The following MAL2 variants were observed in gnomAD, a reference collection of about 807,000 sequenced individuals.
The protein encoded by MAL2 is protein MAL2.
In MAL2, 17 loss-of-function variants were observed where a neutral mutation model predicts 18.1. The observed-to-expected ratio is 0.94, with a 90% CI of 0.64 to 1.41. The LOEUF (loss-of-function observed/expected upper bound fraction) is 1.41, where lower values mean the gene tolerates loss of function less well. Ranked by LOEUF, MAL2 falls within the 40% of genes most tolerant of loss-of-function variation. The pLI is 0.00. For synonymous variants in MAL2, 102 were observed against 102.3 expected, an observed-to-expected ratio of 1.00 and a Z score of 0.02; for missense variants, 222 against 231.9, an observed-to-expected ratio of 0.96 and a Z score of 0.28.
chr8:119,221,797 G>A, intron 2 of MAL2, 40 bp downstream of exon 2: 3 of 1,597,162 alleles, frequency 1.9e-6, no homozygotes, highest in East Asian at 2.2e-5. Context: ...AGGAAGATGG[G>A]AGAAACCTGT....
intron 2 of MAL2, chr8:119,224,355 A>G (rs1032150170): frequency 1.3e-5 from 2 of 152,162 alleles, no homozygotes; most frequent in African/African-American, 4.8e-5. Context: ...TTTAAACAGA[A>G]GATTCTAAAT....
At chr8:119,213,480 A>T (rs1204069791) in intron 1 of MAL2, among the ~76,000 whole-genome samples, 1 of 151,950 alleles carries the variant, frequency 6.6e-6, no homozygotes, top group East Asian at 1.9e-4. Flanking sequence ...AACTGTAGGT[A>T]TTTTTTTTCC....
At chr8:119,209,178 C>A (rs1484478181) in intron 1 of MAL2, 1 of 153,364 alleles carries the variant, frequency 6.5e-6, no homozygotes, top group Non-Finnish European at 1.5e-5. Flanking sequence ...AGGAGCTGGG[C>A]AGGAGGCAGG....
intron 1 of MAL2, among the ~76,000 whole-genome samples, chr8:119,217,406 C>T (rs952951413): frequency 2.6e-5 from 4 of 152,118 alleles, no homozygotes; most frequent in African/African-American, 9.7e-5. Flanking sequence ...ACTGAGTCAC[C>T]GGGAGATGCT....
intron 2 of MAL2, chr8:119,223,425 G>A (rs1817510778): frequency 6.6e-6 from 1 of 152,196 alleles, no homozygotes; most frequent in Non-Finnish European, 1.5e-5. Flanking sequence ...ATTGAGTACA[G>A]TCATTCATGT....
intron 1 of MAL2, among the ~76,000 whole-genome samples, chr8:119,213,637 G>A (rs1290289418): frequency 6.6e-6 from 1 of 152,076 alleles, no homozygotes; most frequent in Admixed American, 6.5e-5. Flanking sequence ...TGACCAACAT[G>A]GTGAAACCCC....
intron 2 of MAL2, among the ~76,000 whole-genome samples, chr8:119,225,299 T>C (rs1817564771): frequency 2.0e-5 from 3 of 148,704 alleles, no homozygotes; most frequent in Admixed American, 2.0e-4. Context: ...GGCCCCGGTG[T>C]GTGATGTTCC....
intron 2 of MAL2, among the ~76,000 whole-genome samples, chr8:119,228,077 C>T (rs1009846239): frequency 2.0e-5 from 3 of 152,148 alleles, no homozygotes; most frequent in Non-Finnish European, 4.4e-5. Flanking sequence ...CATATAATTC[C>T]TTTCGCCCTC....
intron 2 of MAL2, among the ~76,000 whole-genome samples, chr8:119,230,212 C>T (rs1817687843): frequency 6.6e-6 from 1 of 152,164 alleles, no homozygotes; most frequent in Admixed American, 6.5e-5. Context: ...TTGGCATTGC[C>T]ATAAATTCCA....
At chr8:119,227,764 C>T (rs1296796161) in intron 2 of MAL2, among the ~76,000 whole-genome samples, 1 of 152,180 alleles carries the variant, frequency 6.6e-6, no homozygotes, top group African/African-American at 2.4e-5. Context: ...TGCCTTTCTT[C>T]CTGAAGAAAG....
chr8:119,230,205 G>A (rs898777428), intron 2 of MAL2, among the ~76,000 whole-genome samples: 110 of 152,232 alleles, frequency 7.2e-4, no homozygotes, highest in African/African-American at 2.4e-3. Flanking sequence ...TTTCACATTG[G>A]CATTGCCATA....
Position 119,244,162 on chromosome 8 carries a change from C to G in MAL2, c.*674C>G, listed in dbSNP as rs1432990763. ...GTGTAAAACCTTAGTTATATATGAT[C>G]TGCATTTTCTTGAACTGATCATTGA... On this transcript the variant is annotated 3_prime_UTR_variant, in exon 4 of 4. Transcript: ENST00000614891. The G allele has an allele frequency of 6.6e-6, 1 of 152,310 alleles. No homozygotes were observed. The highest frequency in any genetic ancestry group is 1.5e-5 in the Non-Finnish European group (1 of 68,034). The allele number at this position is 152,310 out of a possible 1,614,324, so 9.4% of individuals were successfully genotyped here.
At chr8:119,240,360 T>TC (rs1180947025) in intron 3 of MAL2, 40 bp downstream of exon 3, 6 of 1,597,872 alleles carry the variant, frequency 3.8e-6, no homozygotes, top group Admixed American at 3.4e-5. Flanking sequence ...CACCAGCACT[T>TC]CCGCTCCACT....
At chr8:119,233,439 TAAAG>T (rs1295201208) in intron 2 of MAL2, among the ~76,000 whole-genome samples, 1 of 151,458 alleles carries the variant, frequency 6.6e-6, no homozygotes, top group African/African-American at 2.4e-5. Flanking sequence ...GCAAGACTAA[TAAAG>T]AAGAAAAGAG....
At chr8:119,242,159 A>G (rs1000565028) in intron 3 of MAL2, among the ~76,000 whole-genome samples, 46 of 152,180 alleles carry the variant, frequency 3.0e-4, no homozygotes, top group African/African-American at 1.1e-3. Context: ...AAATCTATTG[A>G]CAGTCACCCT....
intron 2 of MAL2, among the ~76,000 whole-genome samples, chr8:119,235,504 A>T (rs1460847911): frequency 1.3e-4 from 19 of 150,798 alleles, no homozygotes; most frequent in Non-Finnish European, 7.4e-5. Flanking sequence ...TGCCAGATTC[A>T]CCAAAGTTGA....
intron 1 of MAL2, among the ~76,000 whole-genome samples, chr8:119,220,710 C>T (rs534525551): frequency 1.3e-5 from 2 of 152,170 alleles, no homozygotes; most frequent in Non-Finnish European, 2.9e-5. Flanking sequence ...ATGGAACCCC[C>T]CTTTCCTCCC....
chr8:119,225,986 GTTT>G (rs1304745451), intron 2 of MAL2, among the ~76,000 whole-genome samples: 3 of 150,126 alleles, frequency 2.0e-5, no homozygotes, highest in African/African-American at 7.3e-5. Context: ...TTGTGAATTT[GTTT>G]GAGTTCATTG....
chr8:119,239,122 A>G (rs1451079256), intron 2 of MAL2, among the ~76,000 whole-genome samples: 5 of 152,242 alleles, frequency 3.3e-5, no homozygotes, highest in African/African-American at 1.2e-4. Flanking sequence ...AAGGATATGA[A>G]CAGACACTTC....
Sources: gnomAD v4.1 joint callset for allele counts (sites outside exome capture counted in the v4.1 genomes callset) on GRCh38, gnomAD v4.1.1 for gene constraint, MANE v1.5 for transcripts, NCBI Gene and HGNC (gene_info 2026-07-23, HGNC 2026-07-21) for gene names.